SPAG9: variants seen among roughly 807,000 people sequenced by gnomAD.
The protein encoded by SPAG9 is C-Jun-amino-terminal kinase-interacting protein 4.
Under a neutral mutation model 166.5 loss-of-function variants are expected in SPAG9, and 35 were observed. The observed-to-expected ratio is 0.21, with a 90% CI of 0.16 to 0.28. The LOEUF is 0.28. SPAG9 is among the 10% of genes least tolerant of loss of function. The pLI, the probability that SPAG9 is intolerant of heterozygous loss-of-function variation, is 1.00. For missense variants in SPAG9, 1,235 were observed against 1,603.3 expected, an observed-to-expected ratio of 0.77 and a Z score of 3.92; for synonymous variants, 534 against 565.5, an observed-to-expected ratio of 0.94 and a Z score of 0.79.
intron 1 of SPAG9, among the ~76,000 whole-genome samples, chr17:51,102,849 G>A (rs563344537): frequency 1.3e-5 from 2 of 152,222 alleles, no homozygotes; most frequent in South Asian, 2.1e-4. Context: ...GTCTCGCTAT[G>A]TTGCCCAGCT....
At chr17:51,053,271 T>C (rs1419846522) in intron 3 of SPAG9, among the ~76,000 whole-genome samples, 1 of 151,788 alleles carries the variant, frequency 6.6e-6, no homozygotes, top group Non-Finnish European at 1.5e-5. Context: ...ACACCTATAA[T>C]CCCAGCACTT....
intron 5 of SPAG9, among the ~76,000 whole-genome samples, chr17:51,038,292 AT>A (rs1359916336): frequency 6.6e-6 from 1 of 152,172 alleles, no homozygotes; most frequent in East Asian, 1.9e-4. Flanking sequence ...ATCTACCCAG[AT>A]TAAGTAAAAA....
At chr17:50,990,278 T>C in intron 20 of SPAG9, 172 bp downstream of exon 20, 2 of 606,068 alleles carry the variant, frequency 3.3e-6, no homozygotes, top group South Asian at 1.9e-5. Context: ...TCCACCCGCC[T>C]TGGCCTCCCA....
At position 50,982,365 on chromosome 17, in the gene SPAG9, A is replaced by C. The variant is rs543878904; in HGVS notation, c.3237+159T>G. ...ACAGTCAAAACTGGCAAGAGAGTTA[A>C]GTAACACAGAAAGCTAAGATATTCA... On this transcript the variant is annotated intron_variant, in intron 25 of 29. Coordinates refer to ENST00000262013, the MANE Select transcript of SPAG9 (RefSeq NM_001130528.3). 2.6e-5 allele frequency among the ~76,000 whole-genome samples: 4 copies of C among 152,388 alleles called. No homozygotes were observed. In the East Asian group the frequency reaches 7.7e-4, roughly 29 times the overall value.
chr17:51,077,041 T>TCTATCTAGCTAG (rs2048016213), intron 2 of SPAG9, among the ~76,000 whole-genome samples: 1 of 98,518 alleles, frequency 1.0e-5, no homozygotes, highest in Non-Finnish European at 2.3e-5. Context: ...TATCTAGCTA[T>TCTATCTAGCTAG]CTAGCTATCT....
In SPAG9 at chr17:51,037,689, T is replaced by TATATATATATA. The variant is rs1568028348; in HGVS notation, c.741+3811_741+3812insTATATATATAT. 8.8e-4 allele frequency among the ~76,000 whole-genome samples: 73 copies of TATATATATATA among 82,596 alleles called. 1 individual carries two copies. Among genetic ancestry groups the TATATATATATA allele is most frequent in the African/African-American group, 2.9e-3 (69 of 23,828 alleles). The allele number at this position is 82,596 out of a possible 152,430, so 54.2% of individuals were successfully genotyped here. On this transcript the variant is annotated intron_variant, in intron 5 of 29. Transcript: ENST00000262013. ...TTTATATATATATATATATATAGTGTGTGTGTGTGTGTGTGTGTGTGTGTG... is the reference window on the plus strand; with the variant it reads ...TTTATATATATATATATATATAGTGTATATATATATAGTGTGTGTGTGTGTGTGTGTGTGTG...
At chr17:51,031,934 C>T (rs1168976485) in intron 5 of SPAG9, 8 of 666,462 alleles carry the variant, frequency 1.2e-5, no homozygotes, top group African/African-American at 3.5e-5. Flanking sequence ...GAAGCCACCA[C>T]TTGGATCAGT....
At chr17:51,110,489 G>C in intron 1 of SPAG9, among the ~76,000 whole-genome samples, 1 of 149,530 alleles carries the variant, frequency 6.7e-6, no homozygotes, top group East Asian at 2.0e-4. Context: ...TCACAAATTC[G>C]AGACCAGCCT....
intron 4 of SPAG9, chr17:51,046,700 G>A: frequency 6.5e-7 from 1 of 1,535,828 alleles, no homozygotes; most frequent in Middle Eastern, 1.7e-4. Flanking sequence ...AACCAAGGAG[G>A]CCTACACGGG....
At chr17:50,972,628 T>C (rs1973909601) in intron 28 of SPAG9, among the ~76,000 whole-genome samples, 1 of 152,248 alleles carries the variant, frequency 6.6e-6, no homozygotes, top group South Asian at 2.1e-4. Flanking sequence ...TTGGTCAAAC[T>C]ACACAGACTG....
At chr17:51,024,751 C>T (rs541379100) in intron 6 of SPAG9, among the ~76,000 whole-genome samples, 87 of 151,608 alleles carry the variant, frequency 5.7e-4, no homozygotes, top group Non-Finnish European at 1.0e-3. Context: ...TTCATGTATG[C>T]CTGTAATCCC....
chr17:51,077,061 T>TAGCTAGCTAG (rs2048023852), intron 2 of SPAG9, among the ~76,000 whole-genome samples: 1 of 109,656 alleles, frequency 9.1e-6, no homozygotes. Flanking sequence ...TAGCTAGCTA[T>TAGCTAGCTAG]CTAGCTAGCT....
intron 4 of SPAG9, among the ~76,000 whole-genome samples, chr17:51,044,274 T>C (rs928305447): frequency 5.9e-5 from 9 of 152,174 alleles, no homozygotes; most frequent in African/African-American, 2.2e-4. Context: ...TTGGCATGCA[T>C]TAAATGCTTC....
chr17:51,026,912 G>C (rs1164310563), intron 6 of SPAG9, among the ~76,000 whole-genome samples: 1 of 151,944 alleles, frequency 6.6e-6, no homozygotes, highest in Non-Finnish European at 1.5e-5. Context: ...CTGACCTCAG[G>C]TGATCCGCCT....
At chr17:51,082,804 GGTTTTT>G (rs113013236) in intron 1 of SPAG9, among the ~76,000 whole-genome samples, 1 of 152,078 alleles carries the variant, frequency 6.6e-6, no homozygotes, top group Non-Finnish European at 1.5e-5. Context: ...AGAGGACATG[GGTTTTT>G]GTTTTTGTTT....
At chr17:51,060,505 T>TA (rs35700642) in intron 2 of SPAG9, among the ~76,000 whole-genome samples, 1,525 of 101,434 alleles carry the variant, frequency 0.015, 18 homozygotes, top group Admixed American at 0.065. Context: ...TTTGTCTTTT[T>TA]AAAAAAAAAA....
chr17:51,019,323 C>T (rs560018146), intron 8 of SPAG9, among the ~76,000 whole-genome samples: 16 of 152,242 alleles, frequency 1.1e-4, no homozygotes, highest in South Asian at 1.0e-3. Flanking sequence ...TTTGGGAGGC[C>T]GAGGCAGGCT....
chr17:50,968,382 T>C (rs1973519815), intron 29 of SPAG9, among the ~76,000 whole-genome samples: 2 of 152,216 alleles, frequency 1.3e-5, no homozygotes, highest in African/African-American at 4.8e-5. Context: ...CTGCCTTATG[T>C]CTGGGAACTT....
At chr17:50,984,194 C>G (rs1228058570) in intron 24 of SPAG9, among the ~76,000 whole-genome samples, 2 of 151,886 alleles carry the variant, frequency 1.3e-5, no homozygotes, top group Non-Finnish European at 2.9e-5. Flanking sequence ...ATAGATGAAA[C>G]AATGGTTTTA....
Sources: gnomAD v4.1 joint callset for allele counts (sites outside exome capture counted in the v4.1 genomes callset) on GRCh38, gnomAD v4.1.1 for gene constraint, MANE v1.5 for transcripts, NCBI Gene and HGNC (gene_info 2026-07-23, HGNC 2026-07-21) for gene names.